SLC2A10: variants seen among roughly 807,000 people sequenced by gnomAD.
SLC2A10 encodes solute carrier family 2, facilitated glucose transporter member 10.
A neutral mutation model predicts 32.1 loss-of-function variants in SLC2A10; 25 were observed. That is an observed-to-expected ratio of 0.78 (90% confidence interval 0.57 to 1.09). The LOEUF (loss-of-function observed/expected upper bound fraction) is 1.09, where lower values mean the gene tolerates loss of function less well. SLC2A10 is among the 50% of genes least tolerant of loss of function. SLC2A10 has a pLI of 0.00. For synonymous variants in SLC2A10, 332 were observed against 309.6 expected (o/e 1.07, Z -0.76); for missense variants, 673 against 686.5 (o/e 0.98, Z 0.22).
At chr20:46,728,096 A>G (rs1267713874) in intron 3 of SLC2A10, among the ~76,000 whole-genome samples, 3 of 152,014 alleles carry the variant, frequency 2.0e-5, no homozygotes, top group Non-Finnish European at 4.4e-5. Flanking sequence ...GGAAGGGAGG[A>G]AGGAAGGGAG....
In SLC2A10 at chr20:46,725,724, G is replaced by A; in HGVS notation, c.688G>A (p.Gly230Ser). The A allele has an allele frequency of 6.2e-7, 1 of 1,614,182 alleles. No individual in the cohort carries two copies. Among genetic ancestry groups the A allele is most frequent in the Non-Finnish European group, 8.5e-7 (1 of 1,180,036 alleles). ...DLFRARDNMR[G>S]RTTVGLGLVL... is the part of the protein sequence containing the mutation. ...CTTCAGGGCACGCGATAACATGCGA[G>A]GCCGGACCACAGTGGGCCTGGGGCT... Residue 230 changes from glycine (G) to serine (S), a missense_variant, in exon 2 of 5, where the codon GGC becomes AGC. Transcript: ENST00000359271.
intron 4 of SLC2A10, among the ~76,000 whole-genome samples, chr20:46,729,926 G>C (rs769905518): frequency 2.0e-5 from 3 of 152,026 alleles, no homozygotes; most frequent in African/African-American, 7.3e-5. Context: ...CACCGCGCCC[G>C]GCCGGCACTA....
intron 1 of SLC2A10, among the ~76,000 whole-genome samples, chr20:46,713,545 G>T (rs2044874731): frequency 1.3e-5 from 2 of 152,328 alleles, no homozygotes; most frequent in East Asian, 3.9e-4. Flanking sequence ...GTGAGAGGGG[G>T]CAGATCCTGC....
chr20:46,717,435 G>T (rs2425900), intron 1 of SLC2A10, among the ~76,000 whole-genome samples: 42,695 of 152,038 alleles, frequency 0.28, 6,991 homozygotes, highest in East Asian at 0.58. Flanking sequence ...GCCCAGGCTG[G>T]AGTGCAGTGG....
intron 1 of SLC2A10, among the ~76,000 whole-genome samples, chr20:46,722,099 A>T (rs553027443): frequency 6.6e-6 from 1 of 151,620 alleles, no homozygotes; most frequent in Non-Finnish European, 1.5e-5. Flanking sequence ...ATCAGAAAAT[A>T]GTTTATAAAA....
At chr20:46,715,474 G>T (rs1265435617) in intron 1 of SLC2A10, among the ~76,000 whole-genome samples, 1 of 152,198 alleles carries the variant, frequency 6.6e-6, no homozygotes, top group Non-Finnish European at 1.5e-5. Context: ...AGGAATGAGG[G>T]AGGAGGGGCA....
intron 4 of SLC2A10, among the ~76,000 whole-genome samples, chr20:46,732,739 A>G (rs1980361509): frequency 6.7e-6 from 1 of 150,340 alleles, no homozygotes; most frequent in South Asian, 2.1e-4. Context: ...GTCATCTTTA[A>G]TCATATCTCT....
Position 46,726,853 on chromosome 20 carries a change from T to G in SLC2A10, c.1289-11T>G. On this transcript the variant is annotated splice_polypyrimidine_tract_variant and intron_variant, in intron 2 of 4. Coordinates refer to ENST00000359271, the MANE Select transcript of SLC2A10 (RefSeq NM_030777.4). ...CCACAGCCCAGGAGCCCTCCTGCTC[T>G]CCCACCCTAGTGACCTGGCTTGTCC... 1.2e-6 allele frequency: 2 copies of G among 1,613,992 alleles called. No homozygotes were observed. Among genetic ancestry groups the G allele is most frequent in the Non-Finnish European group, 1.7e-6 (2 of 1,180,008 alleles).
chr20:46,732,055 T>C (rs1404130007), intron 4 of SLC2A10, among the ~76,000 whole-genome samples: 2 of 152,204 alleles, frequency 1.3e-5, no homozygotes, highest in African/African-American at 2.4e-5. Flanking sequence ...CGTCACCCAC[T>C]GCTGTAGGGC....
At chr20:46,715,016 G>T (rs1196359284) in intron 1 of SLC2A10, among the ~76,000 whole-genome samples, 1 of 152,154 alleles carries the variant, frequency 6.6e-6, no homozygotes, top group African/African-American at 2.4e-5. Context: ...TAAGGACATG[G>T]GTTTGGGAGG....
At position 46,716,313 on chromosome 20, in the gene SLC2A10, C is replaced by T. The variant is rs990457389; in HGVS notation, c.4+6573C>T. On this transcript the variant is annotated intron_variant, in intron 1 of 4. Coordinates refer to ENST00000359271, the MANE Select transcript of SLC2A10 (RefSeq NM_030777.4). ...GGATTACAGGTGCATGCCACACACC[C>T]GGCTGATTTTTGTATTTTTAGTTGA... Among the ~76,000 whole-genome samples the T allele has an allele frequency of 5.3e-5, 8 of 152,022 alleles. No individual in the cohort carries two copies. The South Asian group carries it at 1.0e-3, about 20-fold the overall frequency.
rs201159437 is a variant in SLC2A10 at position 46,726,880 on chromosome 20, C to A, written c.1305C>A (p.Leu435=). ...CCACCCTAGTGACCTGGCTTGTCCTCAGCGAGATCTACCCTGTGGAGATAC... is the reference window on the plus strand; with the variant it reads ...CCACCCTAGTGACCTGGCTTGTCCTAAGCGAGATCTACCCTGTGGAGATAC... ...FGFGPVTWLV[L]SEIYPVEIRG... Residue 435 remains leucine, a synonymous_variant, in exon 3 of 5, where the codon CTC becomes CTA. Coordinates refer to ENST00000359271, the MANE Select transcript of SLC2A10 (RefSeq NM_030777.4). 42 of 1,612,682 alleles carry A rather than the reference C, an allele frequency of 2.6e-5. No homozygotes were observed. The highest frequency in any genetic ancestry group is 3.6e-5 in the Non-Finnish European group (42 of 1,179,640).
Position 46,725,569 on chromosome 20 carries a change from A to G in SLC2A10, c.533A>G (p.Gln178Arg), listed in dbSNP as rs1326794091. 1.2e-6 allele frequency: 2 copies of G among 1,614,154 alleles called. No homozygotes were observed. Among genetic ancestry groups the G allele is most frequent in the Non-Finnish European group, 1.7e-6 (2 of 1,180,010 alleles). Residue 178 changes from glutamine to arginine, a missense_variant, in exon 2 of 5, where the codon CAA becomes CGA. By Grantham distance (43) the Gln-to-Arg change is conservative. Transcript: ENST00000359271. ...TGGGCCACTGCACCTGCTGTCCTGC[A>G]ATCCCTCAGCCTCCTCTTCCTCCCT... ...FGWATAPAVLQSLSLLFLPAG... is the reference protein window; with the variant it reads ...FGWATAPAVLRSLSLLFLPAG...
At chr20:46,713,606 G>A (rs1979057747) in intron 1 of SLC2A10, among the ~76,000 whole-genome samples, 1 of 152,182 alleles carries the variant, frequency 6.6e-6, no homozygotes, top group Admixed American at 6.5e-5. Context: ...GACTGAAATA[G>A]GAGCCTTGGA....
intron 1 of SLC2A10, among the ~76,000 whole-genome samples, chr20:46,723,293 G>T (rs990868751): frequency 2.0e-5 from 3 of 152,084 alleles, no homozygotes; most frequent in Non-Finnish European, 4.4e-5. Context: ...GGGCAAAAAA[G>T]ATCTAGCCAG....
chr20:46,736,333 GTTA>G lies in SLC2A10; in HGVS notation c.*2505_*2507del, dbSNP rs879898191. On this transcript the variant is annotated 3_prime_UTR_variant, in exon 5 of 5. Coordinates refer to ENST00000359271, the MANE Select transcript of SLC2A10 (RefSeq NM_030777.4). ...AAAGAGTATTTACAATAAAGAGTTT[GTTA>G]TTATTTGTAAATTGTGTGCAACAAA... 7 of 151,868 alleles carry G rather than the reference GTTA, an allele frequency of 4.6e-5. No individual in the cohort carries two copies. The highest frequency in any genetic ancestry group is 7.4e-5 in the Non-Finnish European group (5 of 68,002). 9.4% of individuals were successfully genotyped at this position (151,868 alleles called of 1,614,324 possible).
At chr20:46,716,085 C>A (rs909699714) in intron 1 of SLC2A10, among the ~76,000 whole-genome samples, 1 of 152,058 alleles carries the variant, frequency 6.6e-6, no homozygotes, top group Non-Finnish European at 1.5e-5. Flanking sequence ...GTTGCTTTAC[C>A]CCCCTGATGA....
rs966130375 is a variant in SLC2A10, at chr20:46,729,257, G to A, written c.1412-96G>A. ...CGGGAACATTTGCTTTGAGTGAACT[G>A]ACTTTCCATGCCTGACCTAGAACCT... On this transcript the variant is annotated intron_variant, in intron 3 of 4. Coordinates refer to ENST00000359271, the MANE Select transcript of SLC2A10 (RefSeq NM_030777.4). The A allele has an allele frequency of 5.3e-6, 8 of 1,514,572 alleles. 1 individual carries two copies. The highest frequency in any genetic ancestry group is 7.3e-6 in the Non-Finnish European group (8 of 1,094,732). The allele number at this position is 1,514,572 out of a possible 1,614,324, so 93.8% of individuals were successfully genotyped here. A position where few individuals can be genotyped will look rare whatever the true frequency, so the allele number is the denominator to read the frequency against.
chr20:46,726,148 C>T lies in SLC2A10; in HGVS notation c.1112C>T (p.Ala371Val). Residue 371 changes from alanine (A) to valine (V), a missense_variant, in exon 2 of 5, where the codon GCT becomes GTT. Physicochemically the swap from Ala to Val is moderately conservative, Grantham distance 64 (BLOSUM62 0). Transcript: ENST00000359271. ...CAAAGGGAGCCAATCTTGTCCACTGCTAAGAAAACCAAGCCCCATCCCAGA... is the reference window on the plus strand; with the variant it reads ...CAAAGGGAGCCAATCTTGTCCACTGTTAAGAAAACCAAGCCCCATCCCAGA... ...EDQREPILST[A>V]KKTKPHPRSG... The T allele has an allele frequency of 6.2e-7, 1 of 1,614,276 alleles. No homozygotes were observed. Among genetic ancestry groups the T allele is most frequent in the Non-Finnish European group, 8.5e-7 (1 of 1,180,044 alleles).
Sources: gnomAD v4.1 joint callset for allele counts (sites outside exome capture counted in the v4.1 genomes callset) on GRCh38, gnomAD v4.1.1 for gene constraint, MANE v1.5 for transcripts, NCBI Gene and HGNC (gene_info 2026-07-23, HGNC 2026-07-21) for gene names.